The following PRKG1 variants were observed in gnomAD, a reference collection of about 807,000 sequenced individuals.
PRKG1 encodes the protein protein kinase cGMP-dependent 1.
Under a neutral mutation model 88.1 loss-of-function variants are expected in PRKG1, and 35 were observed. The ratio of observed to expected loss-of-function variants is 0.40; its 90% confidence interval spans 0.30 to 0.53. PRKG1 has a LOEUF of 0.53. Among genes scored for constraint, PRKG1 ranks in the 20% least tolerant of loss-of-function variants. The pLI, the probability that PRKG1 is intolerant of heterozygous loss-of-function variation, is 0.59. For synonymous variants in PRKG1, 303 were observed against 292.5 expected (o/e 1.04, Z -0.37); for missense variants, 540 against 839.8 (o/e 0.64, Z 4.41).
At chr10:51,668,884 T>C (rs1840487369) in intron 3 of PRKG1, among the ~76,000 whole-genome samples, 2 of 152,322 alleles carry the variant, frequency 1.3e-5, no homozygotes, top group South Asian at 4.1e-4. Context: ...TTTTATTGTT[T>C]CTAAAATAAC....
At chr10:51,429,598 G>A (rs865938981) in intron 2 of PRKG1, among the ~76,000 whole-genome samples, 37 of 152,190 alleles carry the variant, frequency 2.4e-4, no homozygotes, top group African/African-American at 7.9e-4. Context: ...AAGTATGACA[G>A]CAATGACTCA....
intron 2 of PRKG1, among the ~76,000 whole-genome samples, chr10:51,417,332 C>G (rs1838269472): frequency 6.6e-6 from 1 of 152,192 alleles, no homozygotes; most frequent in Admixed American, 6.6e-5. Context: ...ACAAAAGCTT[C>G]CCCACTGGAA....
intron 5 of PRKG1, among the ~76,000 whole-genome samples, chr10:52,048,452 A>C (rs1845912616): frequency 6.6e-6 from 1 of 152,192 alleles, no homozygotes; most frequent in East Asian, 1.9e-4. Flanking sequence ...GGTATATTTG[A>C]TATCAATAAC....
chr10:52,192,754 T>A (rs1839398122), intron 9 of PRKG1, among the ~76,000 whole-genome samples: 1 of 151,842 alleles, frequency 6.6e-6, no homozygotes, highest in Non-Finnish European at 1.5e-5. Context: ...AGAAAAAAAA[T>A]ATATATTTGT....
At chr10:52,001,448 C>A (rs2454541) in intron 5 of PRKG1, among the ~76,000 whole-genome samples, 67,578 of 151,430 alleles carry the variant, frequency 0.45, 15,485 homozygotes, top group African/African-American at 0.54. Flanking sequence ...TACCTACATC[C>A]AAACATCACA....
chr10:51,518,132 G>A (rs542163766), intron 3 of PRKG1, among the ~76,000 whole-genome samples: 2 of 152,180 alleles, frequency 1.3e-5, no homozygotes, highest in Admixed American at 1.3e-4. Flanking sequence ...CGAGTAGCTG[G>A]GATTACAGGT....
intron 2 of PRKG1, among the ~76,000 whole-genome samples, chr10:51,328,370 A>G (rs1841646693): frequency 6.6e-6 from 1 of 152,320 alleles, no homozygotes; most frequent in East Asian, 1.9e-4. Flanking sequence ...TTCTGTATCC[A>G]TTCATCCACT....
chr10:51,708,545 C>T (rs192440281), intron 3 of PRKG1, among the ~76,000 whole-genome samples: 2 of 152,296 alleles, frequency 1.3e-5, no homozygotes, highest in East Asian at 1.9e-4. Flanking sequence ...ACTCCCTCTT[C>T]GCTGCATCTC....
intron 17 of PRKG1, 47 bp from the exon 18 acceptor site, chr10:52,293,755 T>A: frequency 6.7e-7 from 1 of 1,489,926 alleles, no homozygotes; most frequent in East Asian, 2.3e-5. Context: ...CAGCTTGGAA[T>A]TCCACTAAAA....
chr10:51,785,900 A>T (rs893816566), intron 3 of PRKG1, among the ~76,000 whole-genome samples: 4 of 152,164 alleles, frequency 2.6e-5, no homozygotes, highest in Non-Finnish European at 5.9e-5. Flanking sequence ...TAAGATCATA[A>T]CTTGTATTGT....
intron 4 of PRKG1, among the ~76,000 whole-genome samples, chr10:51,820,182 T>G (rs1839705691): frequency 6.6e-6 from 1 of 152,172 alleles, no homozygotes; most frequent in African/African-American, 2.4e-5. Flanking sequence ...TGCAACTATT[T>G]TCCTGTTTAT....
intron 9 of PRKG1, among the ~76,000 whole-genome samples, chr10:52,237,236 G>A (rs918128817): frequency 7.6e-5 from 11 of 144,092 alleles, no homozygotes; most frequent in African/African-American, 2.7e-4. Flanking sequence ...AAAACTGGAA[G>A]CATTCCCTTT....
intron 5 of PRKG1, among the ~76,000 whole-genome samples, chr10:52,020,261 A>T (rs1845148890): frequency 6.6e-6 from 1 of 152,168 alleles, no homozygotes; most frequent in Non-Finnish European, 1.5e-5. Flanking sequence ...TCTCCAGTAG[A>T]TTAAATCTCC....
intron 10 of PRKG1, among the ~76,000 whole-genome samples, chr10:52,260,779 C>G (rs1841415705): frequency 6.6e-6 from 1 of 151,828 alleles, no homozygotes; most frequent in African/African-American, 2.4e-5. Context: ...TTAATAATCA[C>G]TGCAAAATGA....
intron 1 of PRKG1, among the ~76,000 whole-genome samples, chr10:50,994,156 G>T (rs2816825): frequency 0.87 from 132,973 of 152,134 alleles, 58,219 homozygotes; most frequent in East Asian, 0.94. Flanking sequence ...AGTTTAAAAA[G>T]TTTTGACAGG....
chr10:51,516,426 T>C (rs963290168), intron 3 of PRKG1, among the ~76,000 whole-genome samples: 13 of 151,742 alleles, frequency 8.6e-5, no homozygotes, highest in Middle Eastern at 6.8e-3. Context: ...AAACATTCAA[T>C]TGGAAAAAAA....
intron 3 of PRKG1, among the ~76,000 whole-genome samples, chr10:51,469,396 A>C (rs971422218): frequency 3.9e-5 from 6 of 151,900 alleles, no homozygotes; most frequent in African/African-American, 1.4e-4. Flanking sequence ...AAAAGCCAAC[A>C]GTTGGTAATA....
intron 4 of PRKG1, among the ~76,000 whole-genome samples, chr10:51,808,128 G>A (rs1430012754): frequency 6.6e-6 from 1 of 152,252 alleles, no homozygotes; most frequent in African/African-American, 2.4e-5. Flanking sequence ...TTGCTTTCCT[G>A]TAACTTCAGA....
intron 1 of PRKG1, among the ~76,000 whole-genome samples, chr10:51,127,267 A>G (rs1436380250): frequency 6.6e-6 from 1 of 151,990 alleles, no homozygotes; most frequent in Non-Finnish European, 1.5e-5. Context: ...TACAAGAACA[A>G]CAACAACAAC....
Sources: allele counts gnomAD v4.1 joint callset (sites outside exome capture counted in the v4.1 genomes callset), GRCh38; gene constraint gnomAD v4.1.1; transcripts MANE v1.5; gene names NCBI Gene and HGNC (gene_info 2026-07-23, HGNC 2026-07-21).